The following STAG1 variants were observed in gnomAD, a reference collection of about 807,000 sequenced individuals.
STAG1 encodes STAG1 cohesin complex component.
A neutral mutation model predicts 170.9 loss-of-function variants in STAG1; 26 were observed. The ratio of observed to expected loss-of-function variants is 0.15; its 90% CI spans 0.11 to 0.21. STAG1 has a LOEUF of 0.21. Among genes scored for constraint, STAG1 ranks in the 10% least tolerant of loss-of-function variants. The pLI is 1.00. For synonymous variants in STAG1, 514 were observed against 497.7 expected (o/e 1.03, Z -0.44); for missense variants, 964 against 1,509.5 (o/e 0.64, Z 5.99).
chr3:136,679,318 G>C (rs572285386), intron 1 of STAG1, among the ~76,000 whole-genome samples: 2 of 152,266 alleles, frequency 1.3e-5, no homozygotes, highest in African/African-American at 4.8e-5. Context: ...GGTGGCTCAT[G>C]CCTGTAATCC....
intron 7 of STAG1, among the ~76,000 whole-genome samples, chr3:136,515,117 C>A (rs528513795): frequency 6.6e-6 from 1 of 152,212 alleles, no homozygotes; most frequent in African/African-American, 2.4e-5. Flanking sequence ...GTAATCTCAG[C>A]GCTTTGGGAG....
chr3:136,564,984 A>AGGAAGGAAGGAAGGAG, intron 5 of STAG1, among the ~76,000 whole-genome samples: 1 of 80,884 alleles, frequency 1.2e-5, no homozygotes, highest in African/African-American at 6.5e-5. Flanking sequence ...GAAGGAAGGA[A>AGGAAGGAAGGAAGGAG]GGAAGGAAGG....
chr3:136,424,259 T>C (rs1225610111), intron 16 of STAG1, among the ~76,000 whole-genome samples: 1 of 152,126 alleles, frequency 6.6e-6, no homozygotes, highest in African/African-American at 2.4e-5. Context: ...GTCTTGAAAT[T>C]CATTTGACAA....
intron 4 of STAG1, among the ~76,000 whole-genome samples, chr3:136,589,478 T>C (rs755950230): frequency 2.6e-5 from 4 of 151,852 alleles, no homozygotes; most frequent in Non-Finnish European, 4.4e-5. Flanking sequence ...CACTCCAGCC[T>C]GGGTGACAGA....
At chr3:136,655,972 AC>A (rs2107860253) in intron 1 of STAG1, among the ~76,000 whole-genome samples, 1 of 152,222 alleles carries the variant, frequency 6.6e-6, no homozygotes, top group East Asian at 1.9e-4. Flanking sequence ...ATATTTATAC[AC>A]CCATGTTCAT....
intron 21 of STAG1, among the ~76,000 whole-genome samples, chr3:136,417,198 C>G (rs966379987): frequency 6.6e-6 from 1 of 152,120 alleles, no homozygotes; most frequent in African/African-American, 2.4e-5. Context: ...GAAATTCTTA[C>G]TGCTTTAGAG....
At chr3:136,585,131 T>C (rs1216074191) in intron 4 of STAG1, among the ~76,000 whole-genome samples, 2 of 152,218 alleles carry the variant, frequency 1.3e-5, no homozygotes, top group African/African-American at 4.8e-5. Flanking sequence ...AGATCAGTTT[T>C]CTCACTTACG....
At chr3:136,745,994 G>T (rs1024793466) in intron 1 of STAG1, among the ~76,000 whole-genome samples, 3 of 152,076 alleles carry the variant, frequency 2.0e-5, no homozygotes, top group Non-Finnish European at 4.4e-5. Flanking sequence ...GCAATAAGGG[G>T]TATGTTATAT....
chr3:136,693,263 T>A (rs1942783196), intron 1 of STAG1, among the ~76,000 whole-genome samples: 1 of 152,172 alleles, frequency 6.6e-6, no homozygotes, highest in Non-Finnish European at 1.5e-5. Context: ...TTTGAATATT[T>A]TTATTATTCC....
At chr3:136,573,897 G>A (rs909227811) in intron 4 of STAG1, among the ~76,000 whole-genome samples, 2 of 152,056 alleles carry the variant, frequency 1.3e-5, no homozygotes, top group African/African-American at 2.4e-5. Flanking sequence ...CGAGAACCTG[G>A]GAGGCGGAGT....
At chr3:136,508,886 G>A (rs535404655) in intron 7 of STAG1, among the ~76,000 whole-genome samples, 3 of 152,174 alleles carry the variant, frequency 2.0e-5, no homozygotes, top group South Asian at 4.1e-4. Context: ...GCGCGCGTGC[G>A]CGAGAGAGAG....
intron 1 of STAG1, among the ~76,000 whole-genome samples, chr3:136,669,672 C>T (rs1478041840): frequency 3.3e-5 from 5 of 152,060 alleles, no homozygotes. Flanking sequence ...ATTTTCTATA[C>T]ATTTTACAAC....
chr3:136,338,352 T>C lies in STAG1; in HGVS notation c.3753+18A>G. ...CCCAGGAACCATAAATAAAAAGCAG[T>C]AATAATTTGACATTTACTGAATCAT... On this transcript the variant is annotated intron_variant, in intron 33 of 33. Transcript: ENST00000383202. 1 of 1,603,552 alleles carries C rather than the reference T, an allele frequency of 6.2e-7. No homozygotes were observed. The highest frequency in any genetic ancestry group is 8.5e-7 in the Non-Finnish European group (1 of 1,170,566).
At chr3:136,648,885 C>T (rs1045367144) in intron 1 of STAG1, among the ~76,000 whole-genome samples, 1 of 152,290 alleles carries the variant, frequency 6.6e-6, no homozygotes, top group East Asian at 1.9e-4. Flanking sequence ...TAGAGCCAGA[C>T]TGATTTATTT....
intron 10 of STAG1, among the ~76,000 whole-genome samples, chr3:136,476,574 C>A (rs1483336744): frequency 1.3e-5 from 2 of 152,110 alleles, no homozygotes; most frequent in African/African-American, 4.8e-5. Flanking sequence ...TGTAAAGTCA[C>A]CACAGGAACT....
Position 136,518,377 on chromosome 3 carries a change from A to T in STAG1, c.676+2836T>A, listed in dbSNP as rs1934489139. 5 of 700,140 alleles carry T rather than the reference A, an allele frequency of 7.1e-6. No homozygotes were observed. The Admixed American group carries it at 1.0e-4, about 14-fold the overall frequency. 43.4% of individuals were successfully genotyped at this position (700,140 alleles called of 1,614,324 possible). ...ACATAGTCTTTGAAGCAGAGGATTA[A>T]ATGTTCCTGCCCATTTTATCTAGTC... On this transcript the variant is annotated intron_variant, in intron 7 of 33. Coordinates refer to ENST00000383202, the MANE Select transcript of STAG1 (RefSeq NM_005862.3).
chr3:136,515,841 A>T (rs752449556), intron 7 of STAG1, among the ~76,000 whole-genome samples: 5 of 152,216 alleles, frequency 3.3e-5, no homozygotes, highest in Non-Finnish European at 5.9e-5. Flanking sequence ...GATTTCACCA[A>T]CTATTGGGCA....
intron 20 of STAG1, 24 bp from the exon 21 acceptor site, chr3:136,417,996 G>C (rs762481444): frequency 6.5e-7 from 1 of 1,540,102 alleles, no homozygotes; most frequent in Non-Finnish European, 9.0e-7. Context: ...AAATGCATCT[G>C]TTTTATTCTA....
At chr3:136,372,234 T>A (rs1471604614) in intron 23 of STAG1, among the ~76,000 whole-genome samples, 1 of 152,230 alleles carries the variant, frequency 6.6e-6, no homozygotes, top group South Asian at 2.1e-4. Flanking sequence ...CTTATCAGCT[T>A]AAGGAGATTT....
Sources: allele counts gnomAD v4.1 joint callset (sites outside exome capture counted in the v4.1 genomes callset), GRCh38; gene constraint gnomAD v4.1.1; transcripts MANE v1.5; gene names NCBI Gene and HGNC (gene_info 2026-07-23, HGNC 2026-07-21).